The following MRPL18 variants were observed in gnomAD, a reference collection of about 807,000 sequenced individuals.
MRPL18 encodes the protein large ribosomal subunit protein uL18m.
In MRPL18, 16 loss-of-function variants were observed where a neutral mutation model predicts 20.9. The ratio of observed to expected loss-of-function variants is 0.76; its 90% CI spans 0.52 to 1.16. The LOEUF is 1.16. Ranked by LOEUF, MRPL18 falls within the 50% of genes most tolerant of loss-of-function variation. MRPL18 has a pLI of 0.00. For missense variants in MRPL18, 233 were observed against 230.6 expected, an observed-to-expected ratio of 1.01 and a Z score of -0.07; for synonymous variants, 91 against 87.1, an observed-to-expected ratio of 1.04 and a Z score of -0.25.
In MRPL18 at chr6:159,790,988, C is replaced by T. The variant is rs374477443; in HGVS notation, c.101C>T (p.Pro34Leu). Residue 34 changes from proline (P) to leucine (L), a missense_variant, in exon 2 of 4, where the codon CCT (proline) becomes CTT (leucine). Transcript: ENST00000367034. ...LSTSSEPAAK[P>L]EVDPVENEAV... ...ACCAGCTCCGAGCCGGCAGCGAAACCTGAAGTGGACCCTGTGGAAAATGAA... is the reference window on the plus strand; with the variant it reads ...ACCAGCTCCGAGCCGGCAGCGAAACTTGAAGTGGACCCTGTGGAAAATGAA... The T allele has an allele frequency of 1.2e-6, 2 of 1,614,206 alleles. No homozygotes were observed. The highest frequency in any genetic ancestry group is 1.7e-6 in the Non-Finnish European group (2 of 1,180,032).
chr6:159,792,602 G>A (rs1780928685), intron 2 of MRPL18, among the ~76,000 whole-genome samples: 1 of 152,124 alleles, frequency 6.6e-6, no homozygotes, highest in Non-Finnish European at 1.5e-5. Context: ...GGATCTTAAG[G>A]CTAAAAATCT....
intron 2 of MRPL18, among the ~76,000 whole-genome samples, chr6:159,794,838 G>T (rs1422974181): frequency 6.6e-6 from 1 of 152,166 alleles, no homozygotes; most frequent in African/African-American, 2.4e-5. Context: ...AAGAAATAAG[G>T]GGACCCAGGG....
chr6:159,793,691 C>T (rs1211374337), intron 2 of MRPL18, among the ~76,000 whole-genome samples: 5 of 152,222 alleles, frequency 3.3e-5, no homozygotes, highest in East Asian at 3.9e-4. Context: ...GGGCGGATCA[C>T]GAGGTCAGGA....
At chr6:159,789,931 G>A (rs1197091727), upstream of MRPL18, 1 of 189,162 alleles carries the variant, frequency 5.3e-6, no homozygotes, top group African/African-American at 2.3e-5. Flanking sequence ...GTAACTGGAG[G>A]GGCGGGCCCT....
intron 2 of MRPL18, 22 bp from the exon 3 acceptor site, chr6:159,797,265 A>G (rs1781050538): frequency 6.3e-7 from 1 of 1,592,412 alleles, no homozygotes; most frequent in Non-Finnish European, 8.6e-7. Flanking sequence ...CTGTGATTTT[A>G]TTATCTTCTC....
Position 159,798,417 on chromosome 6 carries a change from T to C in MRPL18, c.*294T>C, listed in dbSNP as rs998275075. On this transcript the variant is annotated 3_prime_UTR_variant, in exon 4 of 4. Transcript: ENST00000367034. Reference sequence around the variant, plus strand: ...TTATAAATTACAAAATAAAGGCATATTATGAACTCTTATTTTCTGGTTATA... The same window carrying C: ...TTATAAATTACAAAATAAAGGCATACTATGAACTCTTATTTTCTGGTTATA... The C allele has an allele frequency of 1.4e-5, 4 of 296,224 alleles. No homozygotes were observed. The highest frequency in any genetic ancestry group is 2.5e-5 in the Non-Finnish European group (4 of 158,700). The allele number at this position is 296,224 out of a possible 1,614,324, so 18.3% of individuals were successfully genotyped here.
At chr6:159,790,459 C>T, upstream of MRPL18, 4 of 1,241,192 alleles carry the variant, frequency 3.2e-6, no homozygotes, top group Non-Finnish European at 2.3e-6. Context: ...TCGGTGGCGT[C>T]TGGCGTGGAG....
At chr6:159,796,567 C>T (rs186263900) in intron 2 of MRPL18, among the ~76,000 whole-genome samples, 1 of 151,486 alleles carries the variant, frequency 6.6e-6, no homozygotes, top group South Asian at 2.1e-4. Flanking sequence ...AAGGGTGGGT[C>T]GCTTGAGGCC....
chr6:159,791,846 A>G (rs779551703), intron 2 of MRPL18, among the ~76,000 whole-genome samples: 1 of 152,186 alleles, frequency 6.6e-6, no homozygotes, highest in Non-Finnish European at 1.5e-5. Flanking sequence ...CGGAGGTTGC[A>G]GTGAGCTGAG....
intron 1 of MRPL18, 142 bp downstream of exon 1, chr6:159,790,781 G>T: frequency 7.2e-7 from 1 of 1,391,370 alleles, no homozygotes; most frequent in Non-Finnish European, 9.8e-7. Flanking sequence ...AGGAAGTTAA[G>T]GACGGGGTCA....
At chr6:159,793,201 C>CT (rs1780946709) in intron 2 of MRPL18, among the ~76,000 whole-genome samples, 1 of 152,020 alleles carries the variant, frequency 6.6e-6, no homozygotes, top group South Asian at 2.1e-4. Context: ...TTTTCTCTGT[C>CT]TGCCTTACTC....
At position 159,798,270 on chromosome 6, in the gene MRPL18, T is replaced by A; in HGVS notation, c.*147T>A. The A allele has an allele frequency of 1.8e-6, 1 of 569,442 alleles. No homozygotes were observed. Among genetic ancestry groups the A allele is most frequent in the Non-Finnish European group, 3.0e-6 (1 of 335,470 alleles). 35.3% of individuals were successfully genotyped at this position (569,442 alleles called of 1,614,324 possible). On this transcript the variant is annotated 3_prime_UTR_variant, in exon 4 of 4. Coordinates refer to ENST00000367034, the MANE Select transcript of MRPL18 (RefSeq NM_014161.5). ...ATATTATTTGTAGTTAAGGTCATCC[T>A]CCTCCCCTTTCTGTTTTTTTAAATC...
In MRPL18 at chr6:159,790,562, G is replaced by C; in HGVS notation, c.-26G>C. The C allele has an allele frequency of 6.2e-7, 1 of 1,614,124 alleles. No homozygotes were observed. Among genetic ancestry groups the C allele is most frequent in the Non-Finnish European group, 8.5e-7 (1 of 1,180,020 alleles). On this transcript the variant is annotated 5_prime_UTR_variant, in exon 1 of 4. Coordinates refer to ENST00000367034, the MANE Select transcript of MRPL18 (RefSeq NM_014161.5). ...GAGTCGTCCGTGAGGAAAAAGAGGC[G>C]AGGCTTTTCCGAGATCGTCTCAGCG...
chr6:159,792,965 G>A (rs946372245), intron 2 of MRPL18, among the ~76,000 whole-genome samples: 4 of 149,662 alleles, frequency 2.7e-5, no homozygotes, highest in African/African-American at 7.3e-5. Context: ...TACCATGGCC[G>A]GCTAATTTTT....
Position 159,797,437 on chromosome 6 carries a change from A to G in MRPL18, c.390A>G (p.Arg130=). 6.2e-7 allele frequency: 1 copy of G among 1,614,204 alleles called. No individual in the cohort carries two copies. Among genetic ancestry groups the G allele is most frequent in the African/African-American group, 1.3e-5 (1 of 75,050 alleles). ...TGGTGGCTTGTGAGAGTATAGGACG[A>G]GTGCTGGCACAGAGATGCTTAGAGG... ...RNVVACESIG[R]VLAQRCLEAG... is the part of the protein sequence containing the mutation. The change falls in exon 3 of 4, where the codon CGA becomes CGG. Residue 130 remains arginine (R), a synonymous_variant. Coordinates refer to ENST00000367034, the MANE Select transcript of MRPL18 (RefSeq NM_014161.5).
At chr6:159,795,341 A>G (rs979829797) in intron 2 of MRPL18, among the ~76,000 whole-genome samples, 22 of 152,232 alleles carry the variant, frequency 1.4e-4, no homozygotes, top group African/African-American at 4.6e-4. Context: ...ATTTCAGTCT[A>G]TCACATGGGG....
In MRPL18 at chr6:159,790,954, G is replaced by T. The variant is rs1216794784; in HGVS notation, c.67G>T (p.Ala23Ser). ...VCRNPGCRFA[A>S]LSTSSEPAAK... ...CCGTTGCCCAGGGTGCAGGTTCGCA[G>T]CCCTGTCAACCAGCTCCGAGCCGGC... The change falls in exon 2 of 4, where the codon GCC (alanine) becomes TCC (serine). Residue 23 changes from alanine (A) to serine (S), a missense_variant. By Grantham distance (99) the Ala-to-Ser change is moderately conservative. Transcript: ENST00000367034. 6 of 1,614,158 alleles carry T rather than the reference G, an allele frequency of 3.7e-6. No homozygotes were observed. The highest frequency in any genetic ancestry group is 5.1e-6 in the Non-Finnish European group (6 of 1,180,026).
At chr6:159,794,731 A>C (rs1204043161) in intron 2 of MRPL18, among the ~76,000 whole-genome samples, 1 of 152,198 alleles carries the variant, frequency 6.6e-6, no homozygotes, top group Non-Finnish European at 1.5e-5. Context: ...TTTGCCTATT[A>C]AGTTATGAAG....
In MRPL18 at chr6:159,797,298, T is replaced by G. The variant is rs369522643; in HGVS notation, c.251T>G (p.Ile84Arg). ...CTCACCCCATTTAGGTTGCGAGTTA[T>G]AAGGACTCAGCATCATGTAGAAGCA... Reference protein sequence around the residue: ...SREFWHRLRVIRTQHHVEALV... With the variant: ...SREFWHRLRVRRTQHHVEALV... Residue 84 changes from isoleucine (I) to arginine (R), a missense_variant, in exon 3 of 4, where the codon ATA becomes AGA. Ile to Arg is a moderately conservative substitution (Grantham distance 97). Coordinates refer to ENST00000367034, the MANE Select transcript of MRPL18 (RefSeq NM_014161.5). 93 of 1,614,090 alleles carry G rather than the reference T, an allele frequency of 5.8e-5. No individual in the cohort carries two copies. The Admixed American group carries it at 1.2e-3, about 22-fold the overall frequency.
Sources: allele counts gnomAD v4.1 joint callset (sites outside exome capture counted in the v4.1 genomes callset), GRCh38; gene constraint gnomAD v4.1.1; transcripts MANE v1.5; gene names NCBI Gene and HGNC (gene_info 2026-07-23, HGNC 2026-07-21).